Variants in LIFR observed in about 807,000 individuals in gnomAD.
LIFR encodes LIF receptor subunit alpha.
A neutral mutation model predicts 122.2 loss-of-function variants in LIFR; 84 were observed. That is an observed-to-expected ratio of 0.69 (90% CI 0.58 to 0.82). The LOEUF is 0.82. Ranked by LOEUF, LIFR falls within the 40% of genes least tolerant of loss-of-function variation. The pLI, the probability that LIFR is intolerant of heterozygous loss-of-function variation, is 0.00. For synonymous variants in LIFR, 422 were observed against 434.7 expected, an observed-to-expected ratio of 0.97 and a Z score of 0.36; for missense variants, 1,294 against 1,311.6, an observed-to-expected ratio of 0.99 and a Z score of 0.21.
upstream of LIFR, among the ~76,000 whole-genome samples, chr5:38,560,976 T>C (rs771793885): frequency 6.6e-6 from 1 of 152,146 alleles, no homozygotes; most frequent in African/African-American, 2.4e-5. Context: ...AAATATTTTT[T>C]AAAAAAGAAA....
chr5:38,596,178 T>C (rs1304659628), upstream of LIFR, among the ~76,000 whole-genome samples: 2 of 152,214 alleles, frequency 1.3e-5, no homozygotes, highest in Admixed American at 1.3e-4. Flanking sequence ...CACTCCTTTA[T>C]ATATAGGCCA....
At chr5:38,594,589 T>C (rs941921039) in intron 1 of LIFR, among the ~76,000 whole-genome samples, 1 of 152,184 alleles carries the variant, frequency 6.6e-6, no homozygotes, top group Admixed American at 6.5e-5. Context: ...CTGTACTTTG[T>C]GCTCTGGCTT....
chr5:38,534,344 TAAAAG>T, intron 1 of LIFR, among the ~76,000 whole-genome samples: 1 of 152,096 alleles, frequency 6.6e-6, no homozygotes, highest in African/African-American at 2.4e-5. Context: ...CTCTTCAAGT[TAAAAG>T]AAAGAAATAC....
intron 1 of LIFR, among the ~76,000 whole-genome samples, chr5:38,539,111 C>A (rs1405788236): frequency 6.6e-6 from 1 of 152,136 alleles, no homozygotes; most frequent in African/African-American, 2.4e-5. Context: ...CAGGCGCCTG[C>A]CACTGTGCCT....
rs767027336 is a variant in LIFR at position 38,511,797 on chromosome 5, GTTC to G, written c.726_728del (p.Lys242del). The G allele has an allele frequency of 6.2e-7, 1 of 1,613,596 alleles. No individual in the cohort carries two copies. Among genetic ancestry groups the G allele is most frequent in the South Asian group, 1.1e-5 (1 of 91,048 alleles). On this transcript the variant is annotated inframe_deletion, in exon 6 of 20. Coordinates refer to ENST00000453190, the MANE Select transcript of LIFR (RefSeq NM_001127671.2). ...CTTTAAATATAAGCTTACAAGAAAT[GTTC>G]TTCACAGGGCTCCAGTCACTCCACT... is the stretch of plus-strand genomic sequence containing the variant.
chr5:38,524,873 C>A (rs1202640684), intron 4 of LIFR, among the ~76,000 whole-genome samples: 1 of 152,110 alleles, frequency 6.6e-6, no homozygotes, highest in African/African-American at 2.4e-5. Flanking sequence ...AGAAGGAAAC[C>A]AGAGAAAATC....
intron 4 of LIFR, among the ~76,000 whole-genome samples, chr5:38,524,170 C>T (rs1331954549): frequency 2.0e-5 from 3 of 152,216 alleles, no homozygotes; most frequent in African/African-American, 7.2e-5. Flanking sequence ...GCAGCTGTCT[C>T]AGGCATCTCC....
intron 1 of LIFR, among the ~76,000 whole-genome samples, chr5:38,565,404 G>A (rs17427354): frequency 0.011 from 1,652 of 152,144 alleles, 14 homozygotes; most frequent in Non-Finnish European, 0.016. Flanking sequence ...AAGGGAGAAA[G>A]GCCACGTAAA....
chr5:38,607,497 ACTCT>A (rs900999188), intron 1 of LIFR: 12 of 143,702 alleles, frequency 8.4e-5, no homozygotes, highest in Admixed American at 8.3e-4. Flanking sequence ...TCTCTCTCTC[ACTCT>A]CTCTCATATG....
rs1743711345 is a variant in LIFR at position 38,476,143 on chromosome 5, A to C, written c.*5452T>G. On this transcript the variant is annotated 3_prime_UTR_variant, in exon 20 of 20. Transcript: ENST00000453190. The stretch of plus-strand genomic sequence containing the variant: ...GAAACACTAGCTTATGATATATTAG[A>C]CAATTTGGGGAAAAGCATTTGGAAT... The C allele has an allele frequency of 1.5e-5, 3 of 202,914 alleles. No individual in the cohort carries two copies. Among genetic ancestry groups the C allele is most frequent in the Non-Finnish European group, 3.0e-5 (3 of 98,778 alleles). 12.6% of individuals were successfully genotyped at this position (202,914 alleles called of 1,614,324 possible).
chr5:38,567,087 AC>A (rs1469558735), intron 1 of LIFR, among the ~76,000 whole-genome samples: 1 of 152,212 alleles, frequency 6.6e-6, no homozygotes, highest in Non-Finnish European at 1.5e-5. Context: ...CTCAAGCCAG[AC>A]CAGCTCCTTA....
At chr5:38,539,451 G>C (rs943540109) in intron 1 of LIFR, among the ~76,000 whole-genome samples, 3 of 152,102 alleles carry the variant, frequency 2.0e-5, no homozygotes, top group African/African-American at 7.2e-5. Context: ...TAGTCTAGGA[G>C]TGCTTTATAT....
In LIFR at chr5:38,482,578, T is replaced by C. The variant is rs548301451; in HGVS notation, c.2670+11A>G. 6 of 1,362,252 alleles carry C rather than the reference T, an allele frequency of 4.4e-6. No individual in the cohort carries two copies. In the Admixed American group the frequency reaches 6.3e-5, roughly 14 times the overall value. The allele number at this position is 1,362,252 out of a possible 1,614,324, so 84.4% of individuals were successfully genotyped here. A position where few individuals can be genotyped will look rare whatever the true frequency, so the allele number is the denominator to read the frequency against. Reference sequence around the variant, plus strand: ...CACATCAAAGATAAATATAAGAAAATAAAAGATTACCTCACAGACACTCTT... The same window carrying C: ...CACATCAAAGATAAATATAAGAAAACAAAAGATTACCTCACAGACACTCTT... On this transcript the variant is annotated intron_variant, in intron 19 of 19. Transcript: ENST00000453190.
At chr5:38,509,845 C>T (rs987352570) in intron 7 of LIFR, among the ~76,000 whole-genome samples, 2 of 152,120 alleles carry the variant, frequency 1.3e-5, no homozygotes, top group Non-Finnish European at 1.5e-5. Flanking sequence ...GCAGGGCAGC[C>T]CACAACAAAC....
intron 1 of LIFR, 105 bp from the exon 2 acceptor site, chr5:38,530,771 T>G (rs1407015751): frequency 9.5e-7 from 1 of 1,049,696 alleles, no homozygotes; most frequent in East Asian, 2.4e-5. Flanking sequence ...TCTGAAACAC[T>G]GTACATTTAG....
At chr5:38,515,154 A>T (rs910098301) in intron 5 of LIFR, among the ~76,000 whole-genome samples, 2 of 152,168 alleles carry the variant, frequency 1.3e-5, no homozygotes, top group African/African-American at 2.4e-5. Context: ...TTATAAATAT[A>T]TCTAGGTATT....
At chr5:38,494,336 G>C (rs1744759796) in intron 13 of LIFR, among the ~76,000 whole-genome samples, 1 of 152,186 alleles carries the variant, frequency 6.6e-6, no homozygotes, top group Non-Finnish European at 1.5e-5. Flanking sequence ...GCTGACCAGG[G>C]GTAGGGTGGG....
intron 5 of LIFR, among the ~76,000 whole-genome samples, chr5:38,517,994 T>G (rs1202818904): frequency 2.0e-5 from 3 of 148,434 alleles, no homozygotes; most frequent in Admixed American, 1.3e-4. Flanking sequence ...AGCATGCACC[T>G]GTAGCCCCAG....
At chr5:38,536,753 G>A (rs926198149) in intron 1 of LIFR, among the ~76,000 whole-genome samples, 1 of 152,208 alleles carries the variant, frequency 6.6e-6, no homozygotes, top group African/African-American at 2.4e-5. Flanking sequence ...AACTATGACA[G>A]TCTGGGGACC....
Sources: gnomAD v4.1 joint callset for allele counts (sites outside exome capture counted in the v4.1 genomes callset) on GRCh38, gnomAD v4.1.1 for gene constraint, MANE v1.5 for transcripts, NCBI Gene and HGNC (gene_info 2026-07-23, HGNC 2026-07-21) for gene names.